Variants in TRRAP observed in about 807,000 individuals in gnomAD.
TRRAP encodes the protein transformation/transcription domain associated protein, also known as transformation/transcription domain-associated protein.
In TRRAP, 41 loss-of-function variants were observed where a neutral mutation model predicts 438.8. That is an observed-to-expected ratio of 0.09 (90% CI 0.07 to 0.12). The LOEUF is 0.12. Among genes scored for constraint, TRRAP ranks in the 10% least tolerant of loss-of-function variants. The pLI, the probability that TRRAP is intolerant of heterozygous loss-of-function variation, is 1.00. For missense variants in TRRAP, 3,122 were observed against 5,055.1 expected (o/e 0.62, Z 11.60); for synonymous variants, 1,994 against 1,962.9 (o/e 1.02, Z -0.42).
At chr7:98,899,383 A>C in intron 8 of TRRAP, 39 bp from the exon 9 acceptor site, 2 of 1,600,594 alleles carry the variant, frequency 1.2e-6, no homozygotes, top group Non-Finnish European at 1.7e-6. Context: ...TTTAAATGCC[A>C]CAATGGTAAC....
In TRRAP at chr7:98,933,317, A is replaced by G; in HGVS notation, c.3929A>G (p.Glu1310Gly). The G allele has an allele frequency of 1.2e-6, 2 of 1,614,160 alleles. No homozygotes were observed. The highest frequency in any genetic ancestry group is 1.7e-6 in the Non-Finnish European group (2 of 1,180,042). ...GCCAACGCACAGATTGGCCTGATGG[A>G]GGGGAACACGTTCTGTACCACGTTG... ...QPANAQIGLM[E>G]GNTFCTTLQP... Residue 1310 changes from glutamate (E) to glycine (G), a missense_variant, in exon 27 of 73, where the codon GAG becomes GGG. Physicochemically the swap from Glu to Gly is moderately conservative, Grantham distance 98. Coordinates refer to ENST00000456197, the MANE Select transcript of TRRAP (RefSeq NM_001375524.1).
intron 1 of TRRAP, among the ~76,000 whole-genome samples, chr7:98,880,671 G>A (rs1265001998): frequency 5.9e-5 from 9 of 152,190 alleles, no homozygotes; most frequent in African/African-American, 2.2e-4. Flanking sequence ...ATGAAATTCA[G>A]ATTTCAGTGT....
intron 70 of TRRAP, among the ~76,000 whole-genome samples, chr7:99,009,477 C>T (rs1794337663): frequency 6.6e-6 from 1 of 152,218 alleles, no homozygotes; most frequent in Non-Finnish European, 1.5e-5. Flanking sequence ...GCCTCCAGCT[C>T]TGTGCAGGCA....
At chr7:98,996,903 T>C (rs1793685357) in intron 67 of TRRAP, among the ~76,000 whole-genome samples, 1 of 152,228 alleles carries the variant, frequency 6.6e-6, no homozygotes, top group Non-Finnish European at 1.5e-5. Context: ...TTTTTAAGAT[T>C]AAGTATCCTC....
intron 62 of TRRAP, among the ~76,000 whole-genome samples, chr7:98,985,655 A>G (rs1284413657): frequency 6.6e-6 from 1 of 152,220 alleles, no homozygotes; most frequent in African/African-American, 2.4e-5. Context: ...GACTCACAAG[A>G]TGCTGCCTGT....
chr7:98,946,573 C>CGCGCACACACCACAT (rs1791078312), intron 33 of TRRAP, among the ~76,000 whole-genome samples: 1 of 145,858 alleles, frequency 6.9e-6, no homozygotes, highest in African/African-American at 2.5e-5. Flanking sequence ...ACACACCACA[C>CGCGCACACACCACAT]GCGCACACAC....
chr7:98,950,182 A>G lies in TRRAP; in HGVS notation c.5254A>G (p.Ser1752Gly), dbSNP rs1202070183. 1.4e-5 allele frequency: 23 copies of G among 1,614,122 alleles called. No homozygotes were observed. The highest frequency in any genetic ancestry group is 1.9e-5 in the Non-Finnish European group (22 of 1,180,044). The change falls in exon 38 of 73, where the codon AGC becomes GGC. Residue 1752 changes from serine to glycine, a missense_variant. Ser to Gly is a moderately conservative substitution (Grantham distance 56). This residue lies in a region of TRRAP where 272 missense variants were observed against 348.5 expected (regional missense o/e 0.78). Transcript: ENST00000456197. ...GGAGGAAGAGATTCCCAAAAATTAC[A>G]GCATCGCTCAGAAACGTGCCCTGTT... ...YMEEEIPKNY[S>G]IAQKRALFFR...
rs549516963 is a variant in TRRAP at position 98,976,488 on chromosome 7, C to T, written c.7965C>T (p.Leu2655=). ...KILSDRQQHA[L]AGEISPFLCS... Reference sequence around the variant, plus strand: ...GACATGTGCTTTGGTTTCAGGCACTCGCGGGTGAGATAAGTCCATTTCTGT... The same window carrying T: ...GACATGTGCTTTGGTTTCAGGCACTTGCGGGTGAGATAAGTCCATTTCTGT... Residue 2655 remains leucine, a synonymous_variant, in exon 55 of 73, where the codon CTC becomes CTT. Transcript: ENST00000456197. This position sits in a 1 kb window ranked among gnomAD's most constrained non-coding sequence, Gnocchi z 4.6. 1.7e-5 allele frequency: 28 copies of T among 1,607,404 alleles called. No individual in the cohort carries two copies. In the African/African-American group the frequency reaches 2.3e-4, roughly 13 times the overall value.
intron 53 of TRRAP, among the ~76,000 whole-genome samples, chr7:98,975,571 G>T (rs977516191): frequency 6.6e-6 from 1 of 152,182 alleles, no homozygotes; most frequent in Non-Finnish European, 1.5e-5. Context: ...CCTCAGTTTC[G>T]ACTTCGGGCT....
intron 51 of TRRAP, among the ~76,000 whole-genome samples, chr7:98,968,801 G>C (rs376716373): frequency 1.3e-5 from 2 of 152,222 alleles, no homozygotes. Context: ...CTCTTGGCGC[G>C]TGTGCAGCGT....
chr7:98,950,167 A>G lies in TRRAP; in HGVS notation c.5239A>G (p.Ile1747Val). The change falls in exon 38 of 73, where the codon ATT (isoleucine) becomes GTT (valine). Residue 1747 changes from isoleucine to valine, a missense_variant. By Grantham distance (29) the Ile-to-Val change is conservative (BLOSUM62 3). Transcript: ENST00000456197. ...CTTAAAAGAGTATATGGAGGAAGAG[A>G]TTCCCAAAAATTACAGCATCGCTCA... is the stretch of plus-strand genomic sequence containing the variant. Reference protein sequence around the residue: ...TFLKEYMEEEIPKNYSIAQKR... With the variant: ...TFLKEYMEEEVPKNYSIAQKR... 6.2e-7 allele frequency: 1 copy of G among 1,614,162 alleles called. No homozygotes were observed. The highest frequency in any genetic ancestry group is 8.5e-7 in the Non-Finnish European group (1 of 1,180,038).
At position 98,955,125 on chromosome 7, in the gene TRRAP, G is replaced by A. The variant is rs374349635; in HGVS notation, c.5758G>A (p.Ala1920Thr). 1.9e-6 allele frequency: 3 copies of A among 1,613,984 alleles called. No individual in the cohort carries two copies. The highest frequency in any genetic ancestry group is 2.5e-6 in the Non-Finnish European group (3 of 1,180,010). The change falls in exon 41 of 73, where the codon GCA (alanine) becomes ACA (threonine). Residue 1920 changes from alanine to threonine, a missense_variant. By Grantham distance (58) the Ala-to-Thr change is moderately conservative. This residue lies in a region of TRRAP where 35 missense variants were observed against 104.9 expected (regional missense o/e 0.33). Coordinates refer to ENST00000456197, the MANE Select transcript of TRRAP (RefSeq NM_001375524.1). ...TTTTCATAGTCTCCTCAAGGCTCAC[G>A]CAATGGAAGCTCGAGCGATCGTCAG... ...QVFHSLLKAH[A>T]MEARAIVRQA...
At chr7:98,998,599 C>G (rs552526017) in intron 67 of TRRAP, 2 of 166,264 alleles carry the variant, frequency 1.2e-5, no homozygotes, top group East Asian at 3.6e-4. Context: ...CCGGTTACAA[C>G]ACGGTGAAGT....
At chr7:98,910,012 G>A (rs1796992586) in intron 14 of TRRAP, 44 bp from the exon 15 acceptor site, 2 of 1,523,880 alleles carry the variant, frequency 1.3e-6, no homozygotes, top group African/African-American at 1.4e-5. Context: ...GCCTGTTGAA[G>A]AAGAATAATT....
intron 60 of TRRAP, among the ~76,000 whole-genome samples, chr7:98,983,744 G>A (rs1793037627): frequency 6.6e-6 from 1 of 152,160 alleles, no homozygotes; most frequent in Non-Finnish European, 1.5e-5. Flanking sequence ...ATGGCACTCT[G>A]CGTTGAAGGT....
intron 53 of TRRAP, among the ~76,000 whole-genome samples, chr7:98,972,188 T>C (rs1239369742): frequency 6.6e-6 from 1 of 152,122 alleles, no homozygotes; most frequent in Non-Finnish European, 1.5e-5. Flanking sequence ...ACCACAGACA[T>C]AGGCTGCCAC....
intron 14 of TRRAP, 69 bp from the exon 15 acceptor site, chr7:98,909,987 T>G: frequency 9.3e-6 from 14 of 1,502,754 alleles, no homozygotes; most frequent in Non-Finnish European, 1.2e-5. Context: ...TTTACTGTGA[T>G]CTGAGCAGTA....
chr7:98,961,498 C>A, intron 46 of TRRAP, 24 bp downstream of exon 46: 7 of 1,609,170 alleles, frequency 4.4e-6, no homozygotes, highest in Non-Finnish European at 6.0e-6. Context: ...CCCACCGGTG[C>A]TTTTCTTTCA....
chr7:98,975,750 T>C (rs1459005282), intron 53 of TRRAP, among the ~76,000 whole-genome samples: 1 of 152,252 alleles, frequency 6.6e-6, no homozygotes, highest in African/African-American at 2.4e-5. Context: ...GTTTATGTCA[T>C]ATACGTGTGT....
Sources: gnomAD v4.1 joint callset for allele counts (sites outside exome capture counted in the v4.1 genomes callset) on GRCh38, gnomAD v4.1.1 for gene constraint, gnomAD v4.1.1 regional missense constraint, Gnocchi (gnomAD v3.1) non-coding constraint, MANE v1.5 for transcripts, NCBI Gene and HGNC (gene_info 2026-07-23, HGNC 2026-07-21) for gene names.